PHEX: variants seen among roughly 807,000 people sequenced by gnomAD.
PHEX encodes phosphate-regulating neutral endopeptidase PHEX.
A neutral mutation model predicts 68.0 loss-of-function variants in PHEX; 16 were observed. The observed-to-expected ratio is 0.24, with a 90% CI of 0.16 to 0.36. The LOEUF (loss-of-function observed/expected upper bound fraction) is 0.36, where lower values mean the gene tolerates loss of function less well. Ranked by LOEUF, PHEX falls within the 10% of genes least tolerant of loss-of-function variation. The pLI is 1.00. For missense variants in PHEX, 480 were observed against 575.5 expected, an observed-to-expected ratio of 0.83 and a Z score of 1.70; for synonymous variants, 208 against 205.1, an observed-to-expected ratio of 1.01 and a Z score of -0.12.
At chrX:22,147,212 C>T (rs368613611) in intron 12 of PHEX, among the ~76,000 whole-genome samples, 1 of 111,386 alleles carries the variant, frequency 9.0e-6, no homozygotes, top group Non-Finnish European at 1.9e-5. Flanking sequence ...TAAAAATATA[C>T]GTTTAGTTTG....
At chrX:22,087,752 CTTA>C (rs767587253) in intron 5 of PHEX, among the ~76,000 whole-genome samples, 267 of 111,281 alleles carry the variant, frequency 2.4e-3, no homozygotes, top group Non-Finnish European at 3.6e-3. Context: ...GATTTTGTTT[CTTA>C]TTATTTTGGC....
At chrX:22,130,548 CAA>C (rs35621431) in intron 11 of PHEX, among the ~76,000 whole-genome samples, 309 of 30,160 alleles carry the variant, frequency 0.01, 3 homozygotes, top group East Asian at 0.034. Context: ...GACTCATTCT[CAA>C]AAAAAAAAAA....
rs192021825 is a variant in PHEX at position 22,224,432 on chromosome X, G to A, written c.1900-2011G>A. The stretch of plus-strand genomic sequence containing the variant: ...GCACCACAGAAATTGTTCAGCCCAG[G>A]TACTGGGTTGTTCAAACTGCACATC... On this transcript the variant is annotated intron_variant, in intron 18 of 21. Transcript: ENST00000379374. Among the ~76,000 whole-genome samples, 4 of 112,110 alleles carry A rather than the reference G, an allele frequency of 3.6e-5. No individual in the cohort carries two copies. The East Asian group carries it at 1.1e-3, about 31-fold the overall frequency.
At chrX:22,136,053 T>TTC (rs1491283318) in intron 12 of PHEX, among the ~76,000 whole-genome samples, 5 of 102,282 alleles carry the variant, frequency 4.9e-5, no homozygotes, top group African/African-American at 1.5e-4. Flanking sequence ...TTTTTTTTTT[T>TTC]CCCCTCAAAA....
intron 15 of PHEX, among the ~76,000 whole-genome samples, chrX:22,210,572 T>C (rs992984049): frequency 1.3e-4 from 14 of 111,772 alleles, no homozygotes; most frequent in African/African-American, 4.6e-4. Context: ...TTGTAATATA[T>C]ATTTGCATAT....
At chrX:22,219,004 A>G in intron 16 of PHEX, 32 bp from the exon 17 acceptor site, 2 of 981,592 alleles carry the variant, frequency 2.0e-6, no homozygotes, top group South Asian at 3.8e-5. Flanking sequence ...TCATGCTTGT[A>G]ATTGTCTCCA....
rs765067632 is a variant in PHEX, at chrX:22,178,288, G to A, written c.1498G>A (p.Ala500Thr). 3.4e-6 allele frequency: 4 copies of A among 1,192,293 alleles called. 1 individual carries two copies. In the African/African-American group the frequency reaches 7.0e-5, roughly 21 times the overall value. Residue 500 changes from alanine to threonine, a missense_variant, in exon 14 of 22, where the codon GCC (alanine) becomes ACC (threonine). Transcript: ENST00000379374. Reference sequence around the variant, plus strand: ...TTTTATTCAGATCAAGTTTTCAGAAGCCGACTACTTTGGCAACGTCCTACA... The same window carrying A: ...TTTTATTCAGATCAAGTTTTCAGAAACCGACTACTTTGGCAACGTCCTACA... The part of the protein sequence containing the change: ...EDLKAIKFSE[A>T]DYFGNVLQTR...
intron 2 of PHEX, among the ~76,000 whole-genome samples, chrX:22,041,265 C>CTCTCTCTCTATATATATA (rs1468778300): frequency 1.2e-4 from 9 of 72,817 alleles, no homozygotes; most frequent in African/African-American, 5.1e-4. Flanking sequence ...CTCTCTCTCT[C>CTCTCTCTCTATATATATA]TATATATATA....
intron 21 of PHEX, among the ~76,000 whole-genome samples, chrX:22,246,210 G>T (rs1215821676): frequency 5.4e-5 from 6 of 111,554 alleles, no homozygotes; most frequent in Non-Finnish European, 1.1e-4. Context: ...GTACTCGGTC[G>T]TACAGGTTGA....
intron 12 of PHEX, among the ~76,000 whole-genome samples, chrX:22,141,704 TG>T (rs1321703238): frequency 1.8e-5 from 2 of 112,080 alleles, no homozygotes; most frequent in Non-Finnish European, 3.8e-5. Flanking sequence ...TGTTTATTAT[TG>T]TTTTAAAAAT....
At chrX:22,143,244 G>A (rs1476768006) in intron 12 of PHEX, among the ~76,000 whole-genome samples, 2 of 111,953 alleles carry the variant, frequency 1.8e-5, no homozygotes, top group African/African-American at 3.3e-5. Context: ...ACTACAGTTA[G>A]CAACAGTATA....
At chrX:22,091,636 A>G (rs375898127) in intron 6 of PHEX, among the ~76,000 whole-genome samples, 1 of 111,680 alleles carries the variant, frequency 9.0e-6, no homozygotes, top group East Asian at 2.8e-4. Context: ...GAGGGCTTTC[A>G]AGGCTGCCTC....
In PHEX at chrX:22,076,399, A is replaced by G; in HGVS notation, c.361A>G (p.Lys121Glu). The change falls in exon 4 of 22, where the codon AAA becomes GAA. Residue 121 changes from lysine (K) to glutamate (E), a missense_variant. Transcript: ENST00000379374. Reference sequence around the variant, plus strand: ...CTTAACCTTCCCAGAACTTTTGGAGAAATCAATCAGTAGAAGGCGGGACAC... The same window carrying G: ...CTTAACCTTCCCAGAACTTTTGGAGGAATCAATCAGTAGAAGGCGGGACAC... ...VDLKLKELLE[K>E]SISRRRDTEA... 1 of 1,207,027 alleles carries G rather than the reference A, an allele frequency of 8.3e-7. No individual in the cohort carries two copies. Among genetic ancestry groups the G allele is most frequent in the Non-Finnish European group, 1.1e-6 (1 of 890,979 alleles).
rs781777861 is a variant in PHEX at position 22,045,752 on chromosome X, G to A, written c.188-1298G>A. Reference sequence around the variant, plus strand: ...TGCCTCTCCTTCAGCCAAGGCGTCTGTGGAGCCAAGTAGGCAGCCCTCTCC... The same window carrying A: ...TGCCTCTCCTTCAGCCAAGGCGTCTATGGAGCCAAGTAGGCAGCCCTCTCC... On this transcript the variant is annotated intron_variant, in intron 2 of 21. Coordinates refer to ENST00000379374, the MANE Select transcript of PHEX (RefSeq NM_000444.6). 1.2e-4 allele frequency among the ~76,000 whole-genome samples: 13 copies of A among 111,795 alleles called. No homozygotes were observed. The South Asian group carries it at 4.9e-3, about 42-fold the overall frequency.
At chrX:22,126,324 G>A (rs1487093498) in intron 11 of PHEX, among the ~76,000 whole-genome samples, 1 of 111,972 alleles carries the variant, frequency 8.9e-6, no homozygotes, top group African/African-American at 3.2e-5. Flanking sequence ...CAGGAACTCA[G>A]AGAGGGAATT....
At chrX:22,133,841 ACCTTGTAATTCGG>A (rs1177852789) in intron 12 of PHEX, among the ~76,000 whole-genome samples, 2 of 112,111 alleles carry the variant, frequency 1.8e-5, no homozygotes, top group Admixed American at 1.9e-4. Flanking sequence ...ATTTTCAAAT[ACCTTGTAATTCGG>A]CCTTTCCTTT....
intron 14 of PHEX, among the ~76,000 whole-genome samples, chrX:22,189,769 T>C (rs1042965350): frequency 8.9e-6 from 1 of 112,202 alleles, no homozygotes; most frequent in Admixed American, 9.5e-5. Flanking sequence ...AGTAACCTAT[T>C]GTGCATTTAA....
At chrX:22,171,534 TCTC>T (rs1166020300) in intron 13 of PHEX, 1 of 109,681 alleles carries the variant, frequency 9.1e-6, no homozygotes, top group East Asian at 2.9e-4. Flanking sequence ...GGCAGGCAGT[TCTC>T]CTCTACTCTC....
intron 9 of PHEX, among the ~76,000 whole-genome samples, chrX:22,104,722 A>G (rs1235663202): frequency 3.6e-5 from 4 of 111,529 alleles, no homozygotes; most frequent in Non-Finnish European, 7.5e-5. Flanking sequence ...AGGCTGCCTC[A>G]GACACTTCCC....
Sources: allele counts gnomAD v4.1 joint callset (sites outside exome capture counted in the v4.1 genomes callset), GRCh38; gene constraint gnomAD v4.1.1; transcripts MANE v1.5; gene names NCBI Gene and HGNC (gene_info 2026-07-23, HGNC 2026-07-21).